The following DSG2 variants were observed in gnomAD, a reference collection of about 807,000 sequenced individuals.
DSG2 encodes the protein desmoglein 2.
A neutral mutation model predicts 75.6 loss-of-function variants in DSG2; 45 were observed. The observed-to-expected ratio is 0.60, with a 90% CI of 0.47 to 0.76. The LOEUF is 0.76. Ranked by LOEUF, DSG2 falls within the 30% of genes least tolerant of loss-of-function variation. The pLI, the probability that DSG2 is intolerant of heterozygous loss-of-function variation, is 0.00. For synonymous variants in DSG2, 429 were observed against 483.9 expected, an observed-to-expected ratio of 0.89 and a Z score of 1.49; for missense variants, 1,267 against 1,357.4, an observed-to-expected ratio of 0.93 and a Z score of 1.05.
At chr18:31,513,876 T>C (rs2073079854) in intron 1 of DSG2, among the ~76,000 whole-genome samples, 1 of 152,236 alleles carries the variant, frequency 6.6e-6, no homozygotes, top group African/African-American at 2.4e-5. Flanking sequence ...AGCTCTGTGA[T>C]GTTCTTTCCA....
intron 1 of DSG2, among the ~76,000 whole-genome samples, chr18:31,516,417 A>C (rs1012356150): frequency 3.9e-5 from 6 of 152,228 alleles, no homozygotes; most frequent in African/African-American, 1.2e-4. Flanking sequence ...GGGTCATCTC[A>C]TAAGAGTGAA....
intron 8 of DSG2, among the ~76,000 whole-genome samples, chr18:31,526,302 T>C (rs1037516612): frequency 3.9e-5 from 6 of 152,158 alleles, no homozygotes; most frequent in African/African-American, 1.4e-4. Context: ...TCGAAATTCT[T>C]ATGAAAACTT....
At position 31,519,818 on chromosome 18, in the gene DSG2, A is replaced by C. The variant is rs749535186; in HGVS notation, c.97A>C (p.Asn33His). Residue 33 changes from asparagine (N) to histidine (H), a missense_variant, in exon 3 of 15, where the codon AAT (asparagine) becomes CAT (histidine). Coordinates refer to ENST00000261590, the MANE Select transcript of DSG2 (RefSeq NM_001943.5). Reference sequence around the variant, plus strand: ...ATTGTTATAGGTCTTAAGCACAAGAAATGAAAATAAGCTGCTTCCTAAACA... The same window carrying C: ...ATTGTTATAGGTCTTAAGCACAAGACATGAAAATAAGCTGCTTCCTAAACA... ...GLHLQVLSTR[N>H]ENKLLPKHPH... 1 of 1,614,202 alleles carries C rather than the reference A, an allele frequency of 6.2e-7. No homozygotes were observed. Among genetic ancestry groups the C allele is most frequent in the Admixed American group, 1.7e-5 (1 of 60,026 alleles).
At position 31,546,381 on chromosome 18, in the gene DSG2, T is replaced by C. The variant is rs1263067879; in HGVS notation, c.2995T>C (p.Ser999Pro). The C allele has an allele frequency of 1.9e-6, 3 of 1,614,056 alleles. No individual in the cohort carries two copies. ...ERVIQPHGGG[S>P]NPLEGTQHLQ... ...AGTAATACAGCCTCATGGGGGTGGA[T>C]CGAATCCTCTGGAAGGCACTCAGCA... Residue 999 changes from serine to proline, a missense_variant, in exon 15 of 15, where the codon TCG becomes CCG. Coordinates refer to ENST00000261590, the MANE Select transcript of DSG2 (RefSeq NM_001943.5).
Position 31,521,243 on chromosome 18 carries a change from C to G in DSG2, c.523C>G (p.His175Asp), listed in dbSNP as rs375422019. ...GTCTGTTGAAGAGTTGAGTGCAGCA[C>G]GTAAGAGTCTTTTTTTTTTTTTTTA... Reference protein sequence around the residue: ...VGSVEELSAAHTLVMKINATD... With the variant: ...VGSVEELSAADTLVMKINATD... Residue 175 changes from histidine (H) to aspartate (D), a missense_variant and splice_region_variant, in exon 5 of 15, where the codon CAT becomes GAT. His to Asp is a moderately conservative substitution (Grantham distance 81). Transcript: ENST00000261590. 6.2e-7 allele frequency: 1 copy of G among 1,601,398 alleles called. No homozygotes were observed.
intron 6 of DSG2, 145 bp from the exon 7 acceptor site, chr18:31,524,303 G>C: frequency 8.7e-7 from 1 of 1,150,966 alleles, no homozygotes. Context: ...CAAGTAAATA[G>C]TATCTTCACA....
Position 31,542,551 on chromosome 18 carries a change from G to T in DSG2, c.2033G>T (p.Gly678Val), listed in dbSNP as rs372494397. Reference sequence around the variant, plus strand: ...CCATCATTTCTGCCAGTGGATCAAGGGGGCAGTCTAGTAGGAAGAAATGGA... The same window carrying T: ...CCATCATTTCTGCCAGTGGATCAAGTGGGCAGTCTAGTAGGAAGAAATGGA... The part of the protein sequence containing the change: ...VVPSFLPVDQ[G>V]GSLVGRNGVG... The change falls in exon 14 of 15, where the codon GGG becomes GTG. Residue 678 changes from glycine to valine, a missense_variant. By Grantham distance (109) the Gly-to-Val change is moderately radical. Transcript: ENST00000261590. 1 of 1,613,950 alleles carries T rather than the reference G, an allele frequency of 6.2e-7. No individual in the cohort carries two copies. The highest frequency in any genetic ancestry group is 8.5e-7 in the Non-Finnish European group (1 of 1,180,036).
intron 12 of DSG2, among the ~76,000 whole-genome samples, chr18:31,540,752 C>G: frequency 6.6e-6 from 1 of 152,128 alleles, no homozygotes; most frequent in Middle Eastern, 3.2e-3. Flanking sequence ...AAAATAAAAT[C>G]TAAGAAGAGG....
At chr18:31,516,123 A>G (rs1356532805) in intron 1 of DSG2, among the ~76,000 whole-genome samples, 3 of 151,522 alleles carry the variant, frequency 2.0e-5, no homozygotes, top group South Asian at 4.1e-4. Context: ...TTGTTAACAG[A>G]AACAAGAGAG....
rs1031318807 is a variant in DSG2 at position 31,511,551 on chromosome 18, A to T, written c.46-6688A>T. ...AAATAAACAGACAGTTCCACAATTG[A>T]CAAAATGTTAGTGCAGTTCTTTTTT... is the stretch of plus-strand genomic sequence containing the variant. On this transcript the variant is annotated intron_variant, in intron 1 of 14. Transcript: ENST00000261590. 5.9e-5 allele frequency among the ~76,000 whole-genome samples: 9 copies of T among 152,356 alleles called. No individual in the cohort carries two copies. The East Asian group carries it at 1.2e-3, about 20-fold the overall frequency.
chr18:31,527,256 C>G (rs2073168098), intron 8 of DSG2, among the ~76,000 whole-genome samples: 1 of 152,146 alleles, frequency 6.6e-6, no homozygotes, highest in South Asian at 2.1e-4. Context: ...AGCATAGGAG[C>G]AATAGGCTAT....
chr18:31,534,492 T>C (rs2073216371), intron 9 of DSG2, among the ~76,000 whole-genome samples: 3 of 150,110 alleles, frequency 2.0e-5, no homozygotes, highest in Non-Finnish European at 4.4e-5. Context: ...GATGCTTCCG[T>C]TTAAAATGAT....
At chr18:31,500,615 C>A (rs1450002454) in intron 1 of DSG2, among the ~76,000 whole-genome samples, 2 of 152,114 alleles carry the variant, frequency 1.3e-5, no homozygotes, top group African/African-American at 4.8e-5. Context: ...CTAATTGAAC[C>A]CAAACCCCAT....
chr18:31,508,321 A>G (rs1308664857), intron 1 of DSG2, among the ~76,000 whole-genome samples: 1 of 151,874 alleles, frequency 6.6e-6, no homozygotes, highest in East Asian at 1.9e-4. Flanking sequence ...TCTTTTTGTG[A>G]TGGGGAGAAT....
chr18:31,538,673 G>A (rs2073246782), intron 11 of DSG2, 78 bp from the exon 12 acceptor site: 3 of 1,144,822 alleles, frequency 2.6e-6, no homozygotes, highest in African/African-American at 3.1e-5. Context: ...AGCAATGAAA[G>A]AACATTTGTG....
intron 1 of DSG2, among the ~76,000 whole-genome samples, chr18:31,498,878 A>G (rs2072999142): frequency 6.6e-6 from 1 of 152,218 alleles, no homozygotes; most frequent in South Asian, 2.1e-4. Flanking sequence ...TTTTAACTTA[A>G]AGTTTATGAA....
At chr18:31,527,033 C>T (rs1568107616) in intron 8 of DSG2, among the ~76,000 whole-genome samples, 1 of 151,966 alleles carries the variant, frequency 6.6e-6, no homozygotes, top group Non-Finnish European at 1.5e-5. Flanking sequence ...TGTCTTAGGC[C>T]TTCATATCCA....
rs371641301 is a variant in DSG2, at chr18:31,538,997, C to T, written c.1879+19C>T. On this transcript the variant is annotated intron_variant, in intron 12 of 14. Coordinates refer to ENST00000261590, the MANE Select transcript of DSG2 (RefSeq NM_001943.5). ...CTGCTATGTAAGTCTTTAAAAGCCA[C>T]TCTGTTGTGCTTTTGGGAATCTGAG... 3 of 1,606,624 alleles carry T rather than the reference C, an allele frequency of 1.9e-6. No homozygotes were observed. The highest frequency in any genetic ancestry group is 2.7e-5 in the African/African-American group (2 of 74,844).
At chr18:31,533,036 T>G (rs2073207683) in intron 9 of DSG2, among the ~76,000 whole-genome samples, 1 of 152,210 alleles carries the variant, frequency 6.6e-6, no homozygotes, top group Non-Finnish European at 1.5e-5. Context: ...TTCTTTAGAA[T>G]GCAGTTACAG....
Sources: gnomAD v4.1 joint callset for allele counts (sites outside exome capture counted in the v4.1 genomes callset) on GRCh38, gnomAD v4.1.1 for gene constraint, MANE v1.5 for transcripts, NCBI Gene and HGNC (gene_info 2026-07-23, HGNC 2026-07-21) for gene names.